The following ARHGAP31 variants were observed in gnomAD, a reference collection of about 807,000 sequenced individuals.
ARHGAP31 encodes Rho GTPase activating protein 31, also known as rho GTPase-activating protein 31.
Under a neutral mutation model 113.9 loss-of-function variants are expected in ARHGAP31, and 34 were observed. The ratio of observed to expected loss-of-function variants is 0.30; its 90% confidence interval spans 0.23 to 0.40. The LOEUF (loss-of-function observed/expected upper bound fraction) is 0.40, where lower values mean the gene tolerates loss of function less well. ARHGAP31 is among the 10% of genes least tolerant of loss of function. The probability of loss-of-function intolerance (pLI) is 1.00; values close to 1 mark genes in which losing one functional copy is unlikely to be tolerated. For synonymous variants in ARHGAP31, 650 were observed against 684.8 expected, an observed-to-expected ratio of 0.95 and a Z score of 0.79; for missense variants, 1,548 against 1,767.1, an observed-to-expected ratio of 0.88 and a Z score of 2.22.
chr3:119,405,390 T>C (rs751972974), intron 10 of ARHGAP31, among the ~76,000 whole-genome samples: 2 of 152,190 alleles, frequency 1.3e-5, no homozygotes, highest in Non-Finnish European at 2.9e-5. Flanking sequence ...CCTTCAGCCA[T>C]ACCCAGGGGT....
intron 1 of ARHGAP31, among the ~76,000 whole-genome samples, chr3:119,312,945 T>G (rs937828135): frequency 6.6e-6 from 1 of 152,248 alleles, no homozygotes; most frequent in East Asian, 1.9e-4. Context: ...GCATGGAGAT[T>G]GATATTCTTT....
At chr3:119,389,486 CTG>C (rs1436825295) in intron 6 of ARHGAP31, among the ~76,000 whole-genome samples, 2 of 152,122 alleles carry the variant, frequency 1.3e-5, no homozygotes, top group East Asian at 3.8e-4. Context: ...GGTCAAAAGA[CTG>C]TGTTAAAGTC....
At chr3:119,303,160 T>C (rs1020841793) in intron 1 of ARHGAP31, among the ~76,000 whole-genome samples, 1 of 152,216 alleles carries the variant, frequency 6.6e-6, no homozygotes, top group African/African-American at 2.4e-5. Context: ...TCACTGTGGC[T>C]CTCTCAGGGT....
intron 10 of ARHGAP31, among the ~76,000 whole-genome samples, chr3:119,407,402 A>G (rs2080673717): frequency 6.6e-6 from 1 of 151,938 alleles, no homozygotes; most frequent in African/African-American, 2.4e-5. Flanking sequence ...AAAAAAAATG[A>G]CTGATCTCCC....
intron 8 of ARHGAP31, among the ~76,000 whole-genome samples, chr3:119,397,453 A>G (rs916013266): frequency 2.0e-5 from 3 of 152,252 alleles, no homozygotes; most frequent in African/African-American, 7.2e-5. Flanking sequence ...ATGTCCTAGA[A>G]TACACAAACA....
Position 119,415,076 on chromosome 3 carries a change from C to T in ARHGAP31, c.3147C>T (p.His1049=). 1 of 1,613,034 alleles carries T rather than the reference C, an allele frequency of 6.2e-7. No homozygotes were observed. Among genetic ancestry groups the T allele is most frequent in the Non-Finnish European group, 8.5e-7 (1 of 1,178,922 alleles). The change falls in exon 12 of 12, where the codon CAC becomes CAT. Residue 1049 remains histidine (H), a synonymous_variant. Transcript: ENST00000264245. ...CAGAGGGAAAGGAGCTAGGGACACA[C>T]CTGGGGCACAGCAGTCCACAGATTA... is the stretch of plus-strand genomic sequence containing the variant. ...SLAEGKELGT[H]LGHSSPQIRQ...
chr3:119,304,574 A>C (rs1043054063), intron 1 of ARHGAP31, among the ~76,000 whole-genome samples: 4 of 152,152 alleles, frequency 2.6e-5, no homozygotes, highest in African/African-American at 9.7e-5. Context: ...TAGAGTGGTG[A>C]GGCTGAGACT....
At chr3:119,344,644 ATTTG>A (rs1158287411) in intron 1 of ARHGAP31, among the ~76,000 whole-genome samples, 1 of 152,004 alleles carries the variant, frequency 6.6e-6, no homozygotes, top group Non-Finnish European at 1.5e-5. Context: ...GGTTTGTTTT[ATTTG>A]TTTGTTTGTT....
chr3:119,313,312 GTTTT>G (rs1222229675), intron 1 of ARHGAP31, among the ~76,000 whole-genome samples: 3 of 152,068 alleles, frequency 2.0e-5, no homozygotes, highest in Admixed American at 2.0e-4. Flanking sequence ...ATATACATAT[GTTTT>G]ATTTTTTAAA....
At chr3:119,337,506 G>T (rs746510172) in intron 1 of ARHGAP31, among the ~76,000 whole-genome samples, 1 of 152,162 alleles carries the variant, frequency 6.6e-6, no homozygotes, top group East Asian at 1.9e-4. Flanking sequence ...ATACTGACGG[G>T]ACCCAAATGA....
intron 1 of ARHGAP31, among the ~76,000 whole-genome samples, chr3:119,359,223 G>A (rs1047236370): frequency 1.3e-5 from 2 of 151,878 alleles, no homozygotes; most frequent in African/African-American, 4.8e-5. Flanking sequence ...TCACTGTATT[G>A]GGTAGGCTGG....
intron 6 of ARHGAP31, among the ~76,000 whole-genome samples, chr3:119,385,503 G>A (rs1329644651): frequency 6.6e-6 from 1 of 151,918 alleles, no homozygotes; most frequent in Non-Finnish European, 1.5e-5. Flanking sequence ...CAACTCTCCA[G>A]TTATAGATTT....
Position 119,414,894 on chromosome 3 carries a change from C to A in ARHGAP31, c.2965C>A (p.Pro989Thr), listed in dbSNP as rs200857263. 107 of 1,614,070 alleles carry A rather than the reference C, an allele frequency of 6.6e-5. No individual in the cohort carries two copies. The highest frequency in any genetic ancestry group is 5.1e-6 in the Non-Finnish European group (6 of 1,180,020). ...AGAGAGGAATTCTGACCCTCTTCAGCCCCAGGCACCCAGGAGAGAGATTAC... is the reference window on the plus strand; with the variant it reads ...AGAGAGGAATTCTGACCCTCTTCAGACCCAGGCACCCAGGAGAGAGATTAC... ...ETERNSDPLQ[P>T]QAPRREITGW... Residue 989 changes from proline (P) to threonine (T), a missense_variant, in exon 12 of 12, where the codon CCC becomes ACC. Transcript: ENST00000264245.
At chr3:119,324,959 G>A in intron 1 of ARHGAP31, 1 of 456,684 alleles carries the variant, frequency 2.2e-6, no homozygotes, top group Non-Finnish European at 4.4e-6. Context: ...TGTCATTTGG[G>A]TAAGCAATAA....
intron 3 of ARHGAP31, 85 bp downstream of exon 3, chr3:119,368,601 A>G (rs1393809659): frequency 6.7e-7 from 1 of 1,503,466 alleles, no homozygotes; most frequent in African/African-American, 1.4e-5. Context: ...TAACAATAAT[A>G]ACACTCACCA....
At chr3:119,365,528 G>A in intron 2 of ARHGAP31, 110 bp downstream of exon 2, 1 of 942,068 alleles carries the variant, frequency 1.1e-6, no homozygotes, top group South Asian at 1.4e-5. Context: ...TGAGGGAAGT[G>A]TGGCAGCACC....
In ARHGAP31 at chr3:119,390,922, C is replaced by A; in HGVS notation, c.820C>A (p.Pro274Thr). ...CAAGGAAAGGAGGGAGAACAGCCTGCCTGAGATTGTCCCTCCCATGGGCAC... is the reference window on the plus strand; with the variant it reads ...CAAGGAAAGGAGGGAGAACAGCCTGACTGAGATTGTCCCTCCCATGGGCAC... ...ARKERRENSL[P>T]EIVPPMGTLF... is the part of the protein sequence containing the mutation. The change falls in exon 7 of 12, where the codon CCT becomes ACT. Residue 274 changes from proline (P) to threonine (T), a missense_variant. By Grantham distance (38) the Pro-to-Thr change is conservative. Transcript: ENST00000264245. 6.2e-7 allele frequency: 1 copy of A among 1,614,190 alleles called. No individual in the cohort carries two copies.
At chr3:119,316,101 A>G (rs1359412220) in intron 1 of ARHGAP31, among the ~76,000 whole-genome samples, 1 of 152,202 alleles carries the variant, frequency 6.6e-6, no homozygotes, top group Non-Finnish European at 1.5e-5. Context: ...AGGCGTGTTT[A>G]AAACTCTGGA....
At chr3:119,316,442 C>T (rs553910823) in intron 1 of ARHGAP31, among the ~76,000 whole-genome samples, 1 of 152,276 alleles carries the variant, frequency 6.6e-6, no homozygotes, top group African/African-American at 2.4e-5. Flanking sequence ...CCTAGGAAGC[C>T]AAACCTATTT....
Sources: allele counts gnomAD v4.1 joint callset (sites outside exome capture counted in the v4.1 genomes callset), GRCh38; gene constraint gnomAD v4.1.1; transcripts MANE v1.5; gene names NCBI Gene and HGNC (gene_info 2026-07-23, HGNC 2026-07-21).